SNX29: variants seen among roughly 807,000 people sequenced by gnomAD.
SNX29 encodes sorting nexin-29.
Under a neutral mutation model 102.1 loss-of-function variants are expected in SNX29, and 78 were observed. The ratio of observed to expected loss-of-function variants is 0.76; its 90% CI spans 0.64 to 0.92. SNX29 has a LOEUF of 0.92. Ranked by LOEUF, SNX29 falls within the 40% of genes least tolerant of loss-of-function variation. SNX29 has a pLI of 0.00. For synonymous variants in SNX29, 580 were observed against 414.5 expected, an observed-to-expected ratio of 1.40 and a Z score of -4.85; for missense variants, 1,280 against 1,061.7, an observed-to-expected ratio of 1.21 and a Z score of -2.86.
chr16:12,379,436 T>C (rs1426510325), intron 16 of SNX29, among the ~76,000 whole-genome samples: 1 of 152,206 alleles, frequency 6.6e-6, no homozygotes, highest in Non-Finnish European at 1.5e-5. Flanking sequence ...TTCCTTTCTT[T>C]AGGGAAGAAA....
chr16:12,475,936 T>A (rs556974834), intron 18 of SNX29, among the ~76,000 whole-genome samples: 1 of 152,340 alleles, frequency 6.6e-6, no homozygotes, highest in Non-Finnish European at 1.5e-5. Flanking sequence ...TTATGTATGA[T>A]GATCAGAGAA....
intron 15 of SNX29, among the ~76,000 whole-genome samples, chr16:12,347,938 G>A (rs918270368): frequency 2.7e-5 from 4 of 150,938 alleles, no homozygotes; most frequent in African/African-American, 9.8e-5. Flanking sequence ...AAATAGGTGA[G>A]CATGGTGGCA....
intron 14 of SNX29, among the ~76,000 whole-genome samples, chr16:12,252,665 G>A (rs1367248822): frequency 2.0e-5 from 3 of 152,218 alleles, no homozygotes; most frequent in African/African-American, 4.8e-5. Flanking sequence ...TGTCACCACA[G>A]CATTGCCTCC....
chr16:12,397,633 CA>C (rs2083767847), intron 16 of SNX29, among the ~76,000 whole-genome samples: 1 of 152,106 alleles, frequency 6.6e-6, no homozygotes, highest in East Asian at 1.9e-4. Flanking sequence ...TCTAGCAGAT[CA>C]AAAAAAGAAG....
At chr16:12,113,982 G>A (rs1434681210) in intron 11 of SNX29, among the ~76,000 whole-genome samples, 1 of 152,224 alleles carries the variant, frequency 6.6e-6, no homozygotes, top group Non-Finnish European at 1.5e-5. Flanking sequence ...CCCAAAGTGG[G>A]TTTGAAATGC....
At chr16:12,383,658 A>G (rs919788011) in intron 16 of SNX29, among the ~76,000 whole-genome samples, 1 of 151,524 alleles carries the variant, frequency 6.6e-6, no homozygotes. Flanking sequence ...CTGGTCTCGA[A>G]TTCCTGACCT....
chr16:12,538,120 ATTTT>A (rs67769379), intron 20 of SNX29, among the ~76,000 whole-genome samples: 5 of 151,716 alleles, frequency 3.3e-5, no homozygotes, highest in African/African-American at 4.8e-5. Context: ...TTCCCCTTGC[ATTTT>A]TTTATTTTTG....
chr16:12,559,612 C>G (rs941898107), intron 20 of SNX29, among the ~76,000 whole-genome samples: 1 of 152,090 alleles, frequency 6.6e-6, no homozygotes, highest in African/African-American at 2.4e-5. Context: ...ACTGCTGCCA[C>G]GTGACCTTGC....
At chr16:12,563,955 C>A (rs67897207) in intron 20 of SNX29, among the ~76,000 whole-genome samples, 39,559 of 151,984 alleles carry the variant, frequency 0.26, 5,731 homozygotes, top group East Asian at 0.44. Flanking sequence ...TCAAGAAAGA[C>A]GAGGAAGGGC....
At chr16:12,345,615 A>G (rs77281564) in intron 15 of SNX29, among the ~76,000 whole-genome samples, 1 of 152,210 alleles carries the variant, frequency 6.6e-6, no homozygotes, top group African/African-American at 2.4e-5. Context: ...TGCCACTACT[A>G]CTGGGGGATG....
intron 8 of SNX29, among the ~76,000 whole-genome samples, chr16:12,055,927 G>A (rs989899036): frequency 7.2e-5 from 11 of 152,042 alleles, no homozygotes; most frequent in African/African-American, 2.2e-4. Context: ...CCATGGCCCC[G>A]GCTGTAGTGC....
At chr16:12,182,521 G>A (rs1236090422) in intron 13 of SNX29, among the ~76,000 whole-genome samples, 1 of 152,168 alleles carries the variant, frequency 6.6e-6, no homozygotes, top group East Asian at 1.9e-4. Flanking sequence ...TCTTGGGAGG[G>A]CTGAGATAGT....
chr16:12,230,040 G>C (rs1222339897), intron 14 of SNX29, among the ~76,000 whole-genome samples: 1 of 150,746 alleles, frequency 6.6e-6, no homozygotes, highest in Non-Finnish European at 1.5e-5. Context: ...TTGTGTAGAT[G>C]AGTGGGCTTG....
rs560344823 is a variant in SNX29 at position 12,092,001 on chromosome 16, A to C, written c.1402+13086A>C. ...CATGGTGTTTTGTTTTCGCAGCCCTACTCGGCGGAGGTGCTCCTGCAAGAG... is the reference window on the plus strand; with the variant it reads ...CATGGTGTTTTGTTTTCGCAGCCCTCCTCGGCGGAGGTGCTCCTGCAAGAG... On this transcript the variant is annotated intron_variant, in intron 11 of 20. Transcript: ENST00000566228. Among the ~76,000 whole-genome samples the C allele has an allele frequency of 5.3e-5, 8 of 152,036 alleles. 1 individual carries two copies. In the South Asian group the frequency reaches 1.5e-3, roughly 28 times the overall value.
At chr16:12,544,275 C>T (rs897535691) in intron 20 of SNX29, among the ~76,000 whole-genome samples, 2 of 152,208 alleles carry the variant, frequency 1.3e-5, no homozygotes, top group Admixed American at 6.5e-5. Flanking sequence ...CAGGACTTTA[C>T]ACTCTCAGTA....
At chr16:12,559,088 C>T (rs573985317) in intron 20 of SNX29, among the ~76,000 whole-genome samples, 39 of 152,260 alleles carry the variant, frequency 2.6e-4, no homozygotes, top group South Asian at 1.9e-3. Context: ...CCCCGTGCTC[C>T]TTAGTCTAGG....
At chr16:12,384,759 G>C (rs1020619117) in intron 16 of SNX29, among the ~76,000 whole-genome samples, 1 of 152,178 alleles carries the variant, frequency 6.6e-6, no homozygotes, top group African/African-American at 2.4e-5. Flanking sequence ...TTGGTTGCCT[G>C]CTGGGGTTTA....
chr16:12,264,818 T>C (rs995120045), intron 14 of SNX29, among the ~76,000 whole-genome samples: 42 of 152,054 alleles, frequency 2.8e-4, no homozygotes, highest in African/African-American at 1.0e-3. Flanking sequence ...TTATTATCTA[T>C]TGATCTATTG....
intron 16 of SNX29, among the ~76,000 whole-genome samples, chr16:12,374,203 G>A (rs558426912): frequency 3.9e-5 from 6 of 152,326 alleles, no homozygotes; most frequent in African/African-American, 1.4e-4. Context: ...TGCTAATAGT[G>A]TCTTCCCTAC....
Sources: allele counts gnomAD v4.1 joint callset (sites outside exome capture counted in the v4.1 genomes callset), GRCh38; gene constraint gnomAD v4.1.1; transcripts MANE v1.5; gene names NCBI Gene and HGNC (gene_info 2026-07-23, HGNC 2026-07-21).